DSCC1: variants seen among roughly 807,000 people sequenced by gnomAD.
The protein encoded by DSCC1 is sister chromatid cohesion protein DCC1.
A neutral mutation model predicts 48.2 loss-of-function variants in DSCC1; 32 were observed. The ratio of observed to expected loss-of-function variants is 0.66; its 90% CI spans 0.50 to 0.89. The LOEUF is 0.89. Ranked by LOEUF, DSCC1 falls within the 40% of genes least tolerant of loss-of-function variation. The pLI is 0.00. For synonymous variants in DSCC1, 150 were observed against 171.5 expected (o/e 0.87, Z 0.98); for missense variants, 421 against 471.7 (o/e 0.89, Z 1.00).
Position 119,841,796 on chromosome 8 carries a change from T to C in DSCC1, c.922A>G (p.Lys308Glu). Reference protein sequence around the residue: ...EGMVTSLDQLKGLALVDRHSR... With the variant: ...EGMVTSLDQLEGLALVDRHSR... ...GTGGCAATGTCTATTGCTATTACCT[T>C]AAGCTGATCAAGACTAGTTACCATT... is the stretch of plus-strand genomic sequence containing the variant. Residue 308 changes from lysine (K) to glutamate (E), a missense_variant and splice_region_variant, in exon 7 of 9, where the codon AAG (lysine) becomes GAG (glutamate). Lys to Glu is a moderately conservative substitution (Grantham distance 56). Around this residue, in one of 3 missense-constraint regions of DSCC1, gnomAD observed 238 missense variants for 259.0 expected, o/e 0.92. Coordinates refer to ENST00000313655, the MANE Select transcript of DSCC1 (RefSeq NM_024094.3). The C allele has an allele frequency of 6.2e-7, 1 of 1,613,772 alleles. No individual in the cohort carries two copies. Among genetic ancestry groups the C allele is most frequent in the East Asian group, 2.2e-5 (1 of 44,854 alleles).
At chr8:119,851,314 T>C (rs567452264) in intron 2 of DSCC1, among the ~76,000 whole-genome samples, 193 of 152,322 alleles carry the variant, frequency 1.3e-3, no homozygotes, top group African/African-American at 4.4e-3. Context: ...GCCTAGAGCC[T>C]GAAGGAGATG....
At chr8:119,842,374 C>CTT (rs60349433) in intron 6 of DSCC1, among the ~76,000 whole-genome samples, 6 of 133,304 alleles carry the variant, frequency 4.5e-5, no homozygotes, top group Non-Finnish European at 4.8e-5. Flanking sequence ...CTGCACTGGC[C>CTT]TTTTTTTTTT....
chr8:119,853,228 G>A lies in DSCC1; in HGVS notation c.183-13C>T, dbSNP rs760529179. The A allele has an allele frequency of 3.8e-6, 6 of 1,594,638 alleles. No individual in the cohort carries two copies. In the Admixed American group the frequency reaches 6.9e-5, roughly 18 times the overall value. Reference sequence around the variant, plus strand: ...ACGAATCACAAGACTGTAGCAAAATGGGGGAAAAATATATAGTTTATTGAC... The same window carrying A: ...ACGAATCACAAGACTGTAGCAAAATAGGGGAAAAATATATAGTTTATTGAC... On this transcript the variant is annotated splice_polypyrimidine_tract_variant and intron_variant, in intron 1 of 8. Transcript: ENST00000313655.
At chr8:119,841,651 C>A in intron 7 of DSCC1, 143 bp downstream of exon 7, 1 of 690,442 alleles carries the variant, frequency 1.4e-6, no homozygotes. Context: ...GTTTTAAGGA[C>A]TATGTGATGG....
intron 1 of DSCC1, among the ~76,000 whole-genome samples, chr8:119,855,050 T>TA (rs1315863573): frequency 6.6e-6 from 1 of 152,104 alleles, no homozygotes; most frequent in Non-Finnish European, 1.5e-5. Context: ...AGACTGCCTT[T>TA]AAAAAACTAC....
At chr8:119,842,973 A>C in intron 5 of DSCC1, 145 bp from the exon 6 acceptor site, 1 of 674,262 alleles carries the variant, frequency 1.5e-6, no homozygotes, top group Non-Finnish European at 2.5e-6. Context: ...TTTTATTTAA[A>C]TTAGGAACTA....
intron 7 of DSCC1, chr8:119,839,331 C>T (rs1826733690): frequency 6.6e-6 from 1 of 152,234 alleles, no homozygotes; most frequent in South Asian, 2.1e-4. Flanking sequence ...TCATCCAAAC[C>T]TGCTCTAGTT....
chr8:119,848,730 TGAC>T (rs1463621617), intron 3 of DSCC1, among the ~76,000 whole-genome samples: 1 of 152,200 alleles, frequency 6.6e-6, no homozygotes, highest in African/African-American at 2.4e-5. Context: ...GTCTATTAGC[TGAC>T]AAATGAATGC....
rs1230156794 is a variant in DSCC1, at chr8:119,855,780, C to T, written c.16G>A (p.Asp6Asn). 6.5e-7 allele frequency: 1 copy of T among 1,541,868 alleles called. No homozygotes were observed. Among genetic ancestry groups the T allele is most frequent in the Admixed American group, 1.9e-5 (1 of 53,318 alleles). Residue 6 changes from aspartate to asparagine, a missense_variant, in exon 1 of 9, where the codon GAC (aspartate) becomes AAC (asparagine). Asp to Asn is a conservative substitution (Grantham distance 23). This residue lies in a region of DSCC1 where 174 missense variants were observed against 184.5 expected (regional missense o/e 0.94). Transcript: ENST00000313655. MKRTR[D>N]EVDATLQIAK... Reference sequence around the variant, plus strand: ...ATCTGCAGCGTCGCATCCACCTCGTCGCGGGTCCTCTTCATCGCAGCGCCG... The same window carrying T: ...ATCTGCAGCGTCGCATCCACCTCGTTGCGGGTCCTCTTCATCGCAGCGCCG...
Position 119,834,730 on chromosome 8 carries a change from A to G in DSCC1, c.*163T>C. On this transcript the variant is annotated 3_prime_UTR_variant, in exon 9 of 9. Coordinates refer to ENST00000313655, the MANE Select transcript of DSCC1 (RefSeq NM_024094.3). ...ATATAATTTTAAAGCTACATCCTATAACATTTAAGAAATAACAGTAGTTTC... is the reference window on the plus strand; with the variant it reads ...ATATAATTTTAAAGCTACATCCTATGACATTTAAGAAATAACAGTAGTTTC... The G allele has an allele frequency of 1.6e-6, 1 of 627,380 alleles. No individual in the cohort carries two copies. The allele number at this position is 627,380 out of a possible 1,614,324, so 38.9% of individuals were successfully genotyped here.
chr8:119,847,864 C>T (rs973116755), intron 3 of DSCC1, among the ~76,000 whole-genome samples: 1 of 152,022 alleles, frequency 6.6e-6, no homozygotes, highest in Non-Finnish European at 1.5e-5. Context: ...ACGGTTTCTC[C>T]GTGTAGGTCA....
rs1038176816 is a variant in DSCC1 at position 119,834,573 on chromosome 8, G to C, written c.*320C>G. 1.7e-5 allele frequency: 4 copies of C among 229,294 alleles called. No individual in the cohort carries two copies. Among genetic ancestry groups the C allele is most frequent in the Non-Finnish European group, 3.4e-5 (4 of 118,690 alleles). 14.2% of individuals were successfully genotyped at this position (229,294 alleles called of 1,614,324 possible). A position where few individuals can be genotyped will look rare whatever the true frequency, so the allele number is the denominator to read the frequency against. ...GAAAACTTAAGTGTATTAATGATTAGAACATCAAATCCTAAGTAAAGAAAT... is the reference window on the plus strand; with the variant it reads ...GAAAACTTAAGTGTATTAATGATTACAACATCAAATCCTAAGTAAAGAAAT... On this transcript the variant is annotated 3_prime_UTR_variant, in exon 9 of 9. Transcript: ENST00000313655.
At position 119,850,376 on chromosome 8, in the gene DSCC1, T is replaced by A. The variant is rs772318152; in HGVS notation, c.486+6A>T. The A allele has an allele frequency of 1.3e-6, 2 of 1,553,688 alleles. No homozygotes were observed. The highest frequency in any genetic ancestry group is 1.7e-6 in the Non-Finnish European group (2 of 1,159,372). ...TTCCAAATAAAAAAGTGAAAATAAG[T>A]CTTACTTTTGAGCTATTTGAATCCT... On this transcript the variant is annotated splice_donor_region_variant and intron_variant, in intron 3 of 8. Transcript: ENST00000313655.
Position 119,847,026 on chromosome 8 carries a change from T to C in DSCC1, c.541A>G (p.Thr181Ala). 1.2e-6 allele frequency: 2 copies of C among 1,613,828 alleles called. No individual in the cohort carries two copies. The highest frequency in any genetic ancestry group is 2.2e-5 in the South Asian group (2 of 91,086). The change falls in exon 4 of 9, where the codon ACC becomes GCC. Residue 181 changes from threonine to alanine, a missense_variant. Thr to Ala is a moderately conservative substitution (Grantham distance 58). Around this residue, in one of 3 missense-constraint regions of DSCC1, gnomAD observed 238 missense variants for 259.0 expected, o/e 0.92. Transcript: ENST00000313655. ...CAGGCATTTAGAACTTGTAATTGGG[T>C]CATTATTTCTTCCTCACTTGCCTGA... Reference protein sequence around the residue: ...QIQASEEEIMTQLQVLNACKI... With the variant: ...QIQASEEEIMAQLQVLNACKI...
At chr8:119,850,571 T>A in intron 2 of DSCC1, 55 bp from the exon 3 acceptor site, 2 of 1,438,272 alleles carry the variant, frequency 1.4e-6, no homozygotes, top group Non-Finnish European at 1.9e-6. Context: ...GAAAATTTCA[T>A]ACAAAATTAC....
rs1586578451 is a variant in DSCC1 at position 119,843,509 on chromosome 8, T to C, written c.716+100A>G. 4 of 1,444,580 alleles carry C rather than the reference T, an allele frequency of 2.8e-6. No homozygotes were observed. The East Asian group carries it at 9.4e-5, about 34-fold the overall frequency. The allele number at this position is 1,444,580 out of a possible 1,614,324, so 89.5% of individuals were successfully genotyped here. ...TAAACATTTCTCAAAGATATCAAAA[T>C]ACAATGATTGTAGTTTATGCCCTGG... On this transcript the variant is annotated intron_variant, in intron 5 of 8. Transcript: ENST00000313655.
intron 5 of DSCC1, among the ~76,000 whole-genome samples, 177 bp downstream of exon 5, chr8:119,843,432 C>T (rs988424885): frequency 2.0e-5 from 3 of 152,264 alleles, no homozygotes; most frequent in East Asian, 3.9e-4. Flanking sequence ...AGATAATGCA[C>T]ATGTATTCAC....
chr8:119,842,694 T>C (rs1367432511), intron 6 of DSCC1, 82 bp downstream of exon 6: 2 of 1,348,578 alleles, frequency 1.5e-6, no homozygotes, highest in African/African-American at 2.9e-5. Context: ...CCAGAGTTCT[T>C]ATTTTTAACA....
At chr8:119,848,613 G>C (rs1826896058) in intron 3 of DSCC1, among the ~76,000 whole-genome samples, 2 of 152,188 alleles carry the variant, frequency 1.3e-5, no homozygotes, top group South Asian at 4.2e-4. Context: ...TCTGCTCCTA[G>C]GTACATACCC....
Sources: gnomAD v4.1 joint callset for allele counts (sites outside exome capture counted in the v4.1 genomes callset) on GRCh38, gnomAD v4.1.1 for gene constraint, gnomAD v4.1.1 regional missense constraint, MANE v1.5 for transcripts, NCBI Gene and HGNC (gene_info 2026-07-23, HGNC 2026-07-21) for gene names.